ANKRD62: variants seen among roughly 807,000 people sequenced by gnomAD.
ANKRD62 encodes the protein ankyrin repeat domain 62.
In ANKRD62, 61 loss-of-function variants were observed where a neutral mutation model predicts 98.8. The ratio of observed to expected loss-of-function variants is 0.62; its 90% CI spans 0.50 to 0.76. The LOEUF (loss-of-function observed/expected upper bound fraction) is 0.76, where lower values mean the gene tolerates loss of function less well. Ranked by LOEUF, ANKRD62 falls within the 30% of genes least tolerant of loss-of-function variation. The probability of loss-of-function intolerance (pLI) is 0.00; values close to 1 mark genes in which losing one functional copy is unlikely to be tolerated. For synonymous variants in ANKRD62, 341 were observed against 367.9 expected (o/e 0.93, Z 0.84); for missense variants, 933 against 1,082.9 (o/e 0.86, Z 1.94).
In ANKRD62 at chr18:12,094,183, GA is replaced by G; in HGVS notation, c.167del (p.Glu56GlyfsTer7). The G allele has an allele frequency of 6.5e-7, 1 of 1,532,196 alleles. No homozygotes were observed. The highest frequency in any genetic ancestry group is 8.7e-7 in the Non-Finnish European group (1 of 1,146,300). The allele number at this position is 1,532,196 out of a possible 1,614,324, so 94.9% of individuals were successfully genotyped here. On this transcript the variant is annotated frameshift_variant, in exon 1 of 14. Coordinates refer to ENST00000587848, the MANE Select transcript of ANKRD62 (RefSeq NM_001277333.2). LOFTEE classifies it high-confidence loss of function. The stretch of plus-strand genomic sequence containing the variant: ...CGCAGGTGATGTGAACAAGGTGATG[GA>G]GAGCATCTTGCTCAGGCTGAATGAC... ...AIAGDVNKVM[E>X]SILLRLNDLN...
intron 2 of ANKRD62, 30 bp downstream of exon 2, chr18:12,095,315 G>T: frequency 6.5e-7 from 1 of 1,534,304 alleles, no homozygotes. Flanking sequence ...TTCAGCATGG[G>T]ATGGATTTAA....
the ANKRD62 span, among the ~76,000 whole-genome samples, chr18:12,145,783 T>C: frequency 1.3e-5 from 2 of 151,384 alleles, no homozygotes; most frequent in South Asian, 4.2e-4. Context: ...GCGGCAGAAG[T>C]GTTCCTCTAG....
intron 7 of ANKRD62, among the ~76,000 whole-genome samples, chr18:12,105,096 G>A (rs973062545): frequency 6.6e-6 from 1 of 152,162 alleles, no homozygotes; most frequent in Admixed American, 6.5e-5. Flanking sequence ...TCAGAAATGT[G>A]CCTCAGTTTA....
the ANKRD62 span, among the ~76,000 whole-genome samples, chr18:12,159,017 G>A: frequency 1.3e-5 from 2 of 152,134 alleles, no homozygotes; most frequent in Non-Finnish European, 2.9e-5. Context: ...ATTAACCTGT[G>A]ATGGAAAAAG....
the ANKRD62 span, among the ~76,000 whole-genome samples, chr18:12,153,133 G>A: frequency 1.1e-3 from 168 of 152,268 alleles, no homozygotes; most frequent in Non-Finnish European, 2.0e-3. Context: ...ACTACAAACT[G>A]CTGCTTAAAG....
chr18:12,139,313 G>A, the ANKRD62 span, among the ~76,000 whole-genome samples: 5 of 152,102 alleles, frequency 3.3e-5, no homozygotes, highest in East Asian at 9.6e-4. Context: ...AACTTAGTTT[G>A]GCTGGATATG....
intron 10 of ANKRD62, 93 bp from the exon 11 acceptor site, chr18:12,122,210 G>T: frequency 2.3e-6 from 2 of 872,860 alleles, no homozygotes; most frequent in Non-Finnish European, 3.4e-6. Context: ...TTCATTCAGT[G>T]TATGAATGAG....
At chr18:12,152,362 T>C in the ANKRD62 span, among the ~76,000 whole-genome samples, 1 of 152,024 alleles carries the variant, frequency 6.6e-6, no homozygotes, top group Non-Finnish European at 1.5e-5. Flanking sequence ...CTGAATCCAT[T>C]AGCATATCAA....
chr18:12,153,269 T>G, the ANKRD62 span, among the ~76,000 whole-genome samples: 1 of 152,032 alleles, frequency 6.6e-6, no homozygotes, highest in Non-Finnish European at 1.5e-5. Context: ...CTATTTATAT[T>G]TAACTACTAA....
intron 9 of ANKRD62, 111 bp from the exon 10 acceptor site, chr18:12,115,282 G>C: frequency 2.3e-6 from 3 of 1,287,586 alleles, no homozygotes; most frequent in Non-Finnish European, 3.1e-6. Context: ...ATTTTAAGAA[G>C]TACCTGTGTT....
chr18:12,168,717 A>G, the ANKRD62 span, among the ~76,000 whole-genome samples: 3 of 152,040 alleles, frequency 2.0e-5, no homozygotes, highest in South Asian at 4.1e-4. Flanking sequence ...TCTATAAATT[A>G]CCTTGGGCAG....
chr18:12,162,222 G>C, the ANKRD62 span, among the ~76,000 whole-genome samples: 1 of 152,052 alleles, frequency 6.6e-6, no homozygotes, highest in South Asian at 2.1e-4. Context: ...TTTAACTGGG[G>C]TGAGATGATA....
intron 5 of ANKRD62, among the ~76,000 whole-genome samples, chr18:12,098,768 A>C (rs141294744): frequency 6.6e-6 from 1 of 152,176 alleles, no homozygotes; most frequent in Non-Finnish European, 1.5e-5. Context: ...CATCTCCTTC[A>C]TGACCCTTCA....
At chr18:12,159,716 A>G in the ANKRD62 span, among the ~76,000 whole-genome samples, 1 of 152,216 alleles carries the variant, frequency 6.6e-6, no homozygotes, top group Admixed American at 6.5e-5. Context: ...TGAGCTAAGC[A>G]TAGATCATTA....
chr18:12,153,199 T>C, the ANKRD62 span, among the ~76,000 whole-genome samples: 3,838 of 152,228 alleles, frequency 0.025, 71 homozygotes, highest in Middle Eastern at 0.086. Context: ...TGCTCATGGA[T>C]AGGAAGAAGC....
chr18:12,154,651 A>G, the ANKRD62 span, among the ~76,000 whole-genome samples: 2 of 152,216 alleles, frequency 1.3e-5, no homozygotes, highest in Non-Finnish European at 1.5e-5. Context: ...GCATTCTACC[A>G]TAAAGCCACA....
chr18:12,134,837 G>A, the ANKRD62 span, among the ~76,000 whole-genome samples: 2 of 152,078 alleles, frequency 1.3e-5, no homozygotes, highest in Non-Finnish European at 2.9e-5. Flanking sequence ...ATAAACATAC[G>A]TGTGCATGTC....
intron 5 of ANKRD62, among the ~76,000 whole-genome samples, chr18:12,098,256 A>T (rs1909224779): frequency 6.6e-6 from 1 of 152,184 alleles, no homozygotes; most frequent in Non-Finnish European, 1.5e-5. Flanking sequence ...CATAATAATA[A>T]AAATCTCCCA....
chr18:12,119,952 G>T (rs894542429), intron 10 of ANKRD62, among the ~76,000 whole-genome samples: 9 of 151,770 alleles, frequency 5.9e-5, no homozygotes, highest in African/African-American at 1.7e-4. Context: ...TTGAACCAGG[G>T]TTATTTAGAT....
Sources: allele counts gnomAD v4.1 joint callset (sites outside exome capture counted in the v4.1 genomes callset), GRCh38; gene constraint gnomAD v4.1.1; transcripts MANE v1.5; gene names NCBI Gene and HGNC (gene_info 2026-07-23, HGNC 2026-07-21).